NBPF12: variants seen among roughly 807,000 people sequenced by gnomAD.
NBPF12 encodes NBPF member 12, also known as NBPF family member NBPF12.
NBPF12 carries 115 observed loss-of-function variants against 146.4 expected under a neutral mutation model. The ratio of observed to expected loss-of-function variants is 0.79; its 90% CI spans 0.68 to 0.92. The LOEUF (loss-of-function observed/expected upper bound fraction) is 0.92, where lower values mean the gene tolerates loss of function less well. Among genes scored for constraint, NBPF12 ranks in the 40% least tolerant of loss-of-function variants. The pLI, the probability that NBPF12 is intolerant of heterozygous loss-of-function variation, is 0.00. For missense variants in NBPF12, 1,205 were observed against 1,326.8 expected, an observed-to-expected ratio of 0.91 and a Z score of 1.43; for synonymous variants, 385 against 508.9, an observed-to-expected ratio of 0.76 and a Z score of 3.28.
At chr1:146,961,520 A>C (rs1287814741) in intron 4 of NBPF12, among the ~76,000 whole-genome samples, 1 of 152,168 alleles carries the variant, frequency 6.6e-6, no homozygotes, top group Non-Finnish European at 1.5e-5. Context: ...TTCTAAATTA[A>C]CACAAACTAA....
chr1:146,971,745 C>T (rs1180058957), intron 13 of NBPF12, among the ~76,000 whole-genome samples: 2 of 150,814 alleles, frequency 1.3e-5, no homozygotes, highest in Non-Finnish European at 2.9e-5. Flanking sequence ...TCCTCTCAGG[C>T]TAGACTCTCT....
chr1:146,970,562 T>A, intron 11 of NBPF12, 85 bp from the exon 15 acceptor site: 1 of 1,507,150 alleles, frequency 6.6e-7, no homozygotes, highest in Non-Finnish European at 9.2e-7. Flanking sequence ...CATACATAGA[T>A]GTTCATGTCT....
At chr1:146,953,616 C>CT (rs1194354933) in intron 2 of NBPF12, among the ~76,000 whole-genome samples, 2 of 142,856 alleles carry the variant, frequency 1.4e-5, no homozygotes, top group Non-Finnish European at 3.0e-5. Flanking sequence ...AAATTGAAAA[C>CT]TTTTTTCATG....
rs2101855242 is a variant in NBPF12 at position 146,964,762 on chromosome 1, T to G, written c.567-131T>G. The G allele has an allele frequency of 7.0e-6, 10 of 1,430,720 alleles. No homozygotes were observed. The East Asian group carries it at 2.3e-4, about 33-fold the overall frequency. 88.6% of individuals were successfully genotyped at this position (1,430,720 alleles called of 1,614,324 possible). A position where few individuals can be genotyped will look rare whatever the true frequency, so the allele number is the denominator to read the frequency against. On this transcript the variant is annotated intron_variant, in intron 7 of 33. Coordinates refer to ENST00000617844, the Ensembl canonical transcript of NBPF12. Reference sequence around the variant, plus strand: ...GAGAAGAGGATTGCCTGTTCCCTCTTTAAGGGAACCTCCATTTTGCTTTCT... The same window carrying G: ...GAGAAGAGGATTGCCTGTTCCCTCTGTAAGGGAACCTCCATTTTGCTTTCT...
At chr1:146,962,775 A>G (rs1169556478) in intron 5 of NBPF12, among the ~76,000 whole-genome samples, 1 of 149,662 alleles carries the variant, frequency 6.7e-6, no homozygotes, top group African/African-American at 2.5e-5. Flanking sequence ...GTATTTTCAC[A>G]TGGAAATGTC....
At chr1:146,962,301 G>T (rs1655899118) in intron 5 of NBPF12, 38 bp downstream of exon 8, 4 of 1,539,764 alleles carry the variant, frequency 2.6e-6, no homozygotes, top group Admixed American at 3.3e-5. Context: ...GCGGGTAGGT[G>T]TGTAGATCTC....
At chr1:146,962,457 G>A (rs1161639873) in intron 5 of NBPF12, among the ~76,000 whole-genome samples, 194 bp downstream of exon 8, 2 of 151,924 alleles carry the variant, frequency 1.3e-5, no homozygotes, top group African/African-American at 4.8e-5. Flanking sequence ...GTTTCTTAGA[G>A]CCTTGTTTTC....
intron 11 of NBPF12, 130 bp from the exon 15 acceptor site, chr1:146,970,517 G>A (rs1570859051): frequency 2.4e-6 from 3 of 1,275,708 alleles, no homozygotes; most frequent in African/African-American, 3.0e-5. Context: ...TTTTGTGAAA[G>A]ATAAAACATG....
upstream of NBPF12, among the ~76,000 whole-genome samples, chr1:146,946,039 C>T (rs1243612085): frequency 2.6e-5 from 4 of 151,888 alleles, no homozygotes; most frequent in Non-Finnish European, 5.9e-5. Context: ...GTTGGAATTA[C>T]AGTATGTAGG....
At chr1:146,982,194 T>G (rs1479832592) in intron 19 of NBPF12, among the ~76,000 whole-genome samples, 1 of 130,544 alleles carries the variant, frequency 7.7e-6, no homozygotes, top group African/African-American at 3.1e-5. Flanking sequence ...TGTGGTTTTA[T>G]CTACCCTTGG....
intron 1 of NBPF12, among the ~76,000 whole-genome samples, chr1:146,950,708 A>G (rs1399110436): frequency 2.0e-5 from 3 of 152,148 alleles, no homozygotes; most frequent in African/African-American, 7.2e-5. Context: ...TCCTTTAGCC[A>G]TTCCATGGAA....
At chr1:146,969,675 A>T (rs2101870565) in intron 11 of NBPF12, 79 bp downstream of exon 14, 4 of 1,524,806 alleles carry the variant, frequency 2.6e-6, no homozygotes, top group South Asian at 1.1e-5. Flanking sequence ...TCACAATGAC[A>T]GTTGTATCAG....
upstream of NBPF12, among the ~76,000 whole-genome samples, chr1:146,938,494 G>C (rs1240120716): frequency 2.8e-4 from 43 of 152,270 alleles, 1 homozygote; most frequent in East Asian, 7.7e-3. Context: ...CTTTGAAAGA[G>C]AGGCGGAGGG....
At chr1:146,944,927 C>T (rs1405293706), upstream of NBPF12, among the ~76,000 whole-genome samples, 44 of 100,930 alleles carry the variant, frequency 4.4e-4, 1 homozygote, top group African/African-American at 1.9e-3. Flanking sequence ...TCCCTCCCTG[C>T]CTCCCTCCCT....
At chr1:146,979,962 G>T (rs1237169511) in intron 19 of NBPF12, among the ~76,000 whole-genome samples, 1 of 111,820 alleles carries the variant, frequency 8.9e-6, no homozygotes, top group Non-Finnish European at 1.8e-5. Context: ...TCTCTTTGTA[G>T]GTCTCTCAGG....
Position 146,960,288 on chromosome 1 carries a change from G to A in NBPF12, c.145G>A (p.Gly49Ser), listed in dbSNP as rs1357671495. 198 of 1,329,402 alleles carry A rather than the reference G, an allele frequency of 1.5e-4. 1 individual carries two copies. The East Asian group carries it at 1.9e-3, about 13-fold the overall frequency. 82.4% of individuals were successfully genotyped at this position (1,329,402 alleles called of 1,614,324 possible). A position where few individuals can be genotyped will look rare whatever the true frequency, so the allele number is the denominator to read the frequency against. ...GAGATGTTTTCTAACTCAACTGGCC[G>A]GCTTCCTGGCCAACCGACAGAAGAA... Residue 49 changes from glycine (G) to serine (S), a missense_variant, in exon 4 of 34, where the codon GGC becomes AGC. Transcript: ENST00000617844.
chr1:146,939,923 C>A (rs1306091907), intron 1 of NBPF12, among the ~76,000 whole-genome samples: 1 of 150,748 alleles, frequency 6.6e-6, no homozygotes, highest in African/African-American at 2.5e-5. Flanking sequence ...GCGGAGGTTG[C>A]AGTGAGCGGA....
chr1:146,966,584 C>G (rs2101861509), exon 9 of NBPF12: 1 of 1,460,380 alleles, frequency 6.8e-7, no homozygotes, highest in African/African-American at 1.4e-5. Context: ...CCCCAGCTGG[C>G]AGAGAAGAAA....
At chr1:146,955,192 A>T (rs1655530059) in intron 2 of NBPF12, among the ~76,000 whole-genome samples, 1 of 65,510 alleles carries the variant, frequency 1.5e-5, no homozygotes, top group African/African-American at 5.6e-5. Flanking sequence ...ACAATGAGAT[A>T]CCAGTACATA....
Sources: allele counts gnomAD v4.1 joint callset (sites outside exome capture counted in the v4.1 genomes callset), GRCh38; gene constraint gnomAD v4.1.1; transcripts MANE v1.5; gene names NCBI Gene and HGNC (gene_info 2026-07-23, HGNC 2026-07-21).